Variants in FGD5 observed in about 807,000 individuals in gnomAD.
The protein encoded by FGD5 is FYVE, RhoGEF and PH domain containing 5.
Under a neutral mutation model 133.4 loss-of-function variants are expected in FGD5, and 28 were observed. The ratio of observed to expected loss-of-function variants is 0.21; its 90% CI spans 0.16 to 0.29. The LOEUF (loss-of-function observed/expected upper bound fraction) is 0.29. Ranked by LOEUF, FGD5 falls within the 10% of genes least tolerant of loss-of-function variation. FGD5 has a pLI of 1.00. For synonymous variants in FGD5, 810 were observed against 776.5 expected (o/e 1.04, Z -0.72); for missense variants, 1,858 against 1,895.2 (o/e 0.98, Z 0.36).
At position 14,933,272 on chromosome 3, in the gene FGD5, G is replaced by C; in HGVS notation, c.*105G>C. 7.4e-7 allele frequency: 1 copy of C among 1,347,310 alleles called. No homozygotes were observed. Among genetic ancestry groups the C allele is most frequent in the Non-Finnish European group, 1.0e-6 (1 of 959,128 alleles). The allele number at this position is 1,347,310 out of a possible 1,614,324, so 83.5% of individuals were successfully genotyped here. A position where few individuals can be genotyped will look rare whatever the true frequency, so the allele number is the denominator to read the frequency against. Reference sequence around the variant, plus strand: ...TCATCCGGACACACACCTGGATTCAGCAATGAGGCCTGACCTTTTTTGCTA... The same window carrying C: ...TCATCCGGACACACACCTGGATTCACCAATGAGGCCTGACCTTTTTTGCTA... On this transcript the variant is annotated 3_prime_UTR_variant, in exon 20 of 20. Transcript: ENST00000285046.
chr3:14,880,867 C>G (rs1256626148), intron 4 of FGD5, 95 bp downstream of exon 4: 4 of 1,500,098 alleles, frequency 2.7e-6, no homozygotes, highest in Non-Finnish European at 3.6e-6. Context: ...GAGGTGATTT[C>G]CATTAACAGA....
At chr3:14,889,040 A>T (rs2037975785) in intron 4 of FGD5, among the ~76,000 whole-genome samples, 1 of 152,212 alleles carries the variant, frequency 6.6e-6, no homozygotes, top group Non-Finnish European at 1.5e-5. Context: ...CACAGAAGTG[A>T]ACAGTCAGCT....
intron 2 of FGD5, among the ~76,000 whole-genome samples, chr3:14,877,940 C>G (rs2037751455): frequency 6.6e-6 from 1 of 152,206 alleles, no homozygotes; most frequent in Non-Finnish European, 1.5e-5. Flanking sequence ...TACGTAAGAA[C>G]AGCTTCTACA....
At chr3:14,846,039 A>G (rs1687324) in intron 1 of FGD5, among the ~76,000 whole-genome samples, 123,975 of 152,210 alleles carry the variant, frequency 0.81, 50,797 homozygotes, top group East Asian at 0.98. Context: ...TTGACATAAA[A>G]GTGACTGATT....
At position 14,880,906 on chromosome 3, in the gene FGD5, C is replaced by T. The variant is rs1575228434; in HGVS notation, c.2748+134C>T. On this transcript the variant is annotated intron_variant, in intron 4 of 19. Coordinates refer to ENST00000285046, the MANE Select transcript of FGD5 (RefSeq NM_152536.4). Reference sequence around the variant, plus strand: ...CTGGCAGCAGGCAGGCACTCACCGACGCTTTTCAGGGAAGTCCGTCTCCTG... The same window carrying T: ...CTGGCAGCAGGCAGGCACTCACCGATGCTTTTCAGGGAAGTCCGTCTCCTG... 26 of 1,171,508 alleles carry T rather than the reference C, an allele frequency of 2.2e-5. 1 individual carries two copies. Among genetic ancestry groups the T allele is most frequent in the Middle Eastern group, 4.7e-4 (2 of 4,288 alleles). 72.6% of individuals were successfully genotyped at this position (1,171,508 alleles called of 1,614,324 possible).
rs147189175 is a variant in FGD5 at position 14,875,887 on chromosome 3, G to C, written c.2659-4685G>C. ...GGAGTGCCCAGTGACCACAGGTGCAGGGGGACAGGTGTGAACTGATGGGGG... is the reference window on the plus strand; with the variant it reads ...GGAGTGCCCAGTGACCACAGGTGCACGGGGACAGGTGTGAACTGATGGGGG... On this transcript the variant is annotated intron_variant, in intron 2 of 19. Transcript: ENST00000285046. 4.4e-3 allele frequency among the ~76,000 whole-genome samples: 669 copies of C among 152,278 alleles called. 5 individuals are homozygous for C. Among genetic ancestry groups the C allele is most frequent in the Middle Eastern group, 0.02 (6 of 294 alleles).
intron 1 of FGD5, among the ~76,000 whole-genome samples, chr3:14,855,369 G>T (rs1027547276): frequency 6.6e-5 from 10 of 152,120 alleles, no homozygotes; most frequent in Non-Finnish European, 1.3e-4. Context: ...TTGGATAAAT[G>T]CCCAGTAGTA....
intron 2 of FGD5, among the ~76,000 whole-genome samples, chr3:14,875,225 A>G (rs1234621361): frequency 6.6e-6 from 1 of 151,978 alleles, no homozygotes; most frequent in Non-Finnish European, 1.5e-5. Context: ...CTTCATTGGG[A>G]CCCTCAACAC....
intron 1 of FGD5, among the ~76,000 whole-genome samples, chr3:14,812,168 C>G (rs2036305874): frequency 6.6e-6 from 1 of 152,136 alleles, no homozygotes; most frequent in Non-Finnish European, 1.5e-5. Context: ...ATGTCCAGGC[C>G]CTGTTATTGC....
intron 1 of FGD5, among the ~76,000 whole-genome samples, chr3:14,826,167 G>GTT (rs1251747998): frequency 6.6e-6 from 1 of 151,702 alleles, no homozygotes; most frequent in East Asian, 1.9e-4. Context: ...AAAGTTAAGA[G>GTT]TTTTAGTGTG....
At chr3:14,920,226 C>T (rs1204518535) in intron 13 of FGD5, 1 of 152,166 alleles carries the variant, frequency 6.6e-6, no homozygotes, top group Non-Finnish European at 1.5e-5. Flanking sequence ...GGTGTCTACT[C>T]TCAGCAAGCA....
chr3:14,857,755 A>G (rs1023580999), intron 1 of FGD5, among the ~76,000 whole-genome samples: 1 of 152,144 alleles, frequency 6.6e-6, no homozygotes, highest in African/African-American at 2.4e-5. Context: ...CTGATGGGCT[A>G]TTCTGATAAA....
chr3:14,872,258 G>C (rs1460146084), intron 2 of FGD5, among the ~76,000 whole-genome samples: 1 of 105,640 alleles, frequency 9.5e-6, no homozygotes, highest in Non-Finnish European at 1.9e-5. Flanking sequence ...TTCTCTGAAT[G>C]TTGTACTCTG....
rs184857374 is a variant in FGD5 at position 14,917,564 on chromosome 3, G to A, written c.3489+232G>A. Among the ~76,000 whole-genome samples the A allele has an allele frequency of 4.6e-5, 7 of 152,196 alleles. No homozygotes were observed. Among genetic ancestry groups the A allele is most frequent in the East Asian group, 1.9e-4 (1 of 5,184 alleles). On this transcript the variant is annotated intron_variant, in intron 12 of 19. Transcript: ENST00000285046. This position sits in a 1 kb window ranked among gnomAD's most constrained non-coding sequence, Gnocchi z 4.1. ...CCCTTAGAGTGGATAATATTTGGTC[G>A]GATCAGGAAGGAAGGGAAGGAGGGG...
At chr3:14,898,409 C>T (rs1290592767) in intron 6 of FGD5, among the ~76,000 whole-genome samples, 5 of 152,192 alleles carry the variant, frequency 3.3e-5, no homozygotes, top group Non-Finnish European at 7.3e-5. Flanking sequence ...AAATTCCCAA[C>T]ACTAGCCACA....
At chr3:14,839,329 G>C (rs1280099265) in intron 1 of FGD5, among the ~76,000 whole-genome samples, 1 of 152,206 alleles carries the variant, frequency 6.6e-6, no homozygotes, top group East Asian at 1.9e-4. Flanking sequence ...GTGTTTCGTA[G>C]ACCACAGCCA....
In FGD5 at chr3:14,827,292, T is replaced by C. The variant is rs539686834; in HGVS notation, c.2525+5696T>C. On this transcript the variant is annotated intron_variant, in intron 1 of 19. Coordinates refer to ENST00000285046, the MANE Select transcript of FGD5 (RefSeq NM_152536.4). ...ACATTTCTGGTATTCTTTTTTTTTT[T>C]TTTTTTTTTTTTTTGAGACGGAGTC... 2.2e-4 allele frequency among the ~76,000 whole-genome samples: 32 copies of C among 147,384 alleles called. No individual in the cohort carries two copies. The South Asian group carries it at 4.7e-3, about 22-fold the overall frequency.
At chr3:14,869,488 A>T (rs762058402) in intron 2 of FGD5, among the ~76,000 whole-genome samples, 49 of 152,236 alleles carry the variant, frequency 3.2e-4, no homozygotes, top group Admixed American at 4.6e-4. Flanking sequence ...TGTGCAGTGC[A>T]GTAGCATGAA....
rs577396846 is a variant in FGD5, at chr3:14,926,341, A to G, written c.4197+143A>G. On this transcript the variant is annotated intron_variant, in intron 18 of 19. Transcript: ENST00000285046. ...GTGGCAGTCAAGTCTTTAGTGAGCA[A>G]TGCCATGTGCTCAATGTTGCTGTGG... 63 of 1,029,908 alleles carry G rather than the reference A, an allele frequency of 6.1e-5. No homozygotes were observed. The South Asian group carries it at 8.6e-4, about 14-fold the overall frequency. The allele number at this position is 1,029,908 out of a possible 1,614,324, so 63.8% of individuals were successfully genotyped here.
Sources: allele counts gnomAD v4.1 joint callset (sites outside exome capture counted in the v4.1 genomes callset), GRCh38; gene constraint gnomAD v4.1.1; non-coding constraint Gnocchi (gnomAD v3.1); transcripts MANE v1.5; gene names NCBI Gene and HGNC (gene_info 2026-07-23, HGNC 2026-07-21).